Variants in SLC35F1 observed in about 807,000 individuals in gnomAD.
The protein encoded by SLC35F1 is solute carrier family 35 member F1, also known as chromosome 6 open reading frame 169.
In SLC35F1, 14 loss-of-function variants were observed where a neutral mutation model predicts 48.7. The ratio of observed to expected loss-of-function variants is 0.29; its 90% CI spans 0.19 to 0.45. The LOEUF (loss-of-function observed/expected upper bound fraction) is 0.45, where lower values mean the gene tolerates loss of function less well. Among genes scored for constraint, SLC35F1 ranks in the 20% least tolerant of loss-of-function variants. The probability of loss-of-function intolerance (pLI) is 1.00; values close to 1 mark genes in which losing one functional copy is unlikely to be tolerated. For missense variants in SLC35F1, 404 were observed against 500.0 expected, an observed-to-expected ratio of 0.81 and a Z score of 1.83; for synonymous variants, 190 against 202.2, an observed-to-expected ratio of 0.94 and a Z score of 0.51.
intron 5 of SLC35F1, among the ~76,000 whole-genome samples, chr6:118,276,040 A>G (rs1775914405): frequency 6.6e-6 from 1 of 152,178 alleles, no homozygotes; most frequent in East Asian, 1.9e-4. Context: ...TAAATGTGTG[A>G]TTTTACTGCC....
At position 117,907,725 on chromosome 6, in the gene SLC35F1, C is replaced by G. The variant is rs748804584; in HGVS notation, c.-2C>G. On this transcript the variant is annotated 5_prime_UTR_variant, in exon 1 of 8. Transcript: ENST00000360388. ...CGCCGCCGCGCCTCAGCCTCTGCCG[C>G]GATGATCCCCCCTGAGCAGCCGCAG... is the stretch of plus-strand genomic sequence containing the variant. The G allele has an allele frequency of 1.3e-5, 19 of 1,518,542 alleles. No homozygotes were observed. The highest frequency in any genetic ancestry group is 1.7e-5 in the Non-Finnish European group (19 of 1,133,616). The allele number at this position is 1,518,542 out of a possible 1,614,324, so 94.1% of individuals were successfully genotyped here.
intron 1 of SLC35F1, among the ~76,000 whole-genome samples, chr6:117,967,581 G>A (rs1466476931): frequency 2.0e-5 from 3 of 152,166 alleles, no homozygotes; most frequent in Non-Finnish European, 4.4e-5. Context: ...GACACATTGT[G>A]ACCCTGTTTA....
At chr6:118,117,250 T>C (rs2114394583) in intron 1 of SLC35F1, among the ~76,000 whole-genome samples, 1 of 152,330 alleles carries the variant, frequency 6.6e-6, no homozygotes, top group Middle Eastern at 3.4e-3. Flanking sequence ...TATCTGTACA[T>C]GTATTTTCTA....
chr6:118,111,932 A>G (rs1377428655), intron 1 of SLC35F1, among the ~76,000 whole-genome samples: 1 of 152,168 alleles, frequency 6.6e-6, no homozygotes, highest in African/African-American at 2.4e-5. Context: ...CTGCATTCCC[A>G]GAAAGTTAGG....
chr6:117,998,554 T>A (rs933021629), intron 1 of SLC35F1, among the ~76,000 whole-genome samples: 1 of 152,066 alleles, frequency 6.6e-6, no homozygotes, highest in South Asian at 2.1e-4. Context: ...ATGTAAAAGA[T>A]CAGAAATTAT....
chr6:117,962,722 G>A (rs1288606575), intron 1 of SLC35F1, among the ~76,000 whole-genome samples: 1 of 152,116 alleles, frequency 6.6e-6, no homozygotes, highest in Non-Finnish European at 1.5e-5. Flanking sequence ...GGTACTCCTG[G>A]GGGATCAAAG....
At chr6:118,102,456 T>C (rs1183353646) in intron 1 of SLC35F1, among the ~76,000 whole-genome samples, 1 of 152,220 alleles carries the variant, frequency 6.6e-6, no homozygotes, top group Non-Finnish European at 1.5e-5. Flanking sequence ...GCTGGGATTA[T>C]AGGCATAAGC....
chr6:118,256,205 G>GGTGTGTGTGTGT (rs71554895), intron 3 of SLC35F1, among the ~76,000 whole-genome samples: 19 of 143,126 alleles, frequency 1.3e-4, no homozygotes, highest in African/African-American at 4.8e-4. Context: ...GAAGACTTCT[G>GGTGTGTGTGTGT]GTGTGTGTGT....
intron 1 of SLC35F1, among the ~76,000 whole-genome samples, chr6:117,960,836 T>G (rs537227938): frequency 6.6e-6 from 1 of 152,264 alleles, no homozygotes; most frequent in African/African-American, 2.4e-5. Flanking sequence ...TAGGAAAGAT[T>G]GTACTGTTTG....
chr6:118,012,337 AAAAG>A lies in SLC35F1; in HGVS notation c.173+104442_173+104445del, dbSNP rs1173590752. Reference sequence around the variant, plus strand: ...GGACAATAAATGGGGAAAAAAAAAAAAAAGAAAAACTAAATGGAAGAAAAAGACC... The same window carrying A: ...GGACAATAAATGGGGAAAAAAAAAAAAAAAACTAAATGGAAGAAAAAGACC... On this transcript the variant is annotated intron_variant, in intron 1 of 7. Coordinates refer to ENST00000360388, the MANE Select transcript of SLC35F1 (RefSeq NM_001029858.4). 2.0e-5 allele frequency among the ~76,000 whole-genome samples: 3 copies of A among 151,774 alleles called. No individual in the cohort carries two copies. In the East Asian group the frequency reaches 5.8e-4, roughly 29 times the overall value.
At chr6:118,284,016 G>A (rs1776020027) in intron 6 of SLC35F1, among the ~76,000 whole-genome samples, 1 of 152,194 alleles carries the variant, frequency 6.6e-6, no homozygotes, top group Non-Finnish European at 1.5e-5. Context: ...ACTTACTTAT[G>A]TTCAGAATAA....
At chr6:117,998,880 G>A (rs1777041497) in intron 1 of SLC35F1, 1 of 661,268 alleles carries the variant, frequency 1.5e-6, no homozygotes, top group Non-Finnish European at 2.7e-6. Context: ...AAAAGCAAGA[G>A]CAAACACATT....
chr6:118,066,246 A>G (rs1772611919), intron 1 of SLC35F1, among the ~76,000 whole-genome samples: 1 of 152,222 alleles, frequency 6.6e-6, no homozygotes, highest in Admixed American at 6.5e-5. Flanking sequence ...TTGAAATATC[A>G]TCAGAGTTAC....
At chr6:117,917,298 C>G (rs980534972) in intron 1 of SLC35F1, among the ~76,000 whole-genome samples, 1 of 152,026 alleles carries the variant, frequency 6.6e-6, no homozygotes, top group African/African-American at 2.4e-5. Context: ...GGTCAGTTGT[C>G]AGTTCTAAGT....
intron 2 of SLC35F1, among the ~76,000 whole-genome samples, chr6:118,200,927 C>T (rs1463198199): frequency 2.0e-5 from 3 of 152,014 alleles, no homozygotes; most frequent in Non-Finnish European, 4.4e-5. Flanking sequence ...ACTCTGTCAT[C>T]CAAGCTGGAG....
chr6:118,165,650 C>A (rs1487455313), intron 2 of SLC35F1, among the ~76,000 whole-genome samples: 1 of 152,170 alleles, frequency 6.6e-6, no homozygotes, highest in African/African-American at 2.4e-5. Context: ...AGTGCAGCTC[C>A]AAAGCAGCTG....
intron 3 of SLC35F1, among the ~76,000 whole-genome samples, chr6:118,235,900 C>T (rs529776191): frequency 1.3e-5 from 2 of 151,948 alleles, no homozygotes; most frequent in Admixed American, 1.3e-4. Flanking sequence ...TATGTTTTCT[C>T]TTTGTTTTGA....
At chr6:118,173,407 A>G (rs1326881878) in intron 2 of SLC35F1, among the ~76,000 whole-genome samples, 4 of 151,892 alleles carry the variant, frequency 2.6e-5, no homozygotes, top group Non-Finnish European at 4.4e-5. Context: ...AAAAAACAAA[A>G]AAAAAACAGC....
chr6:118,183,676 A>G (rs557781929), intron 2 of SLC35F1, among the ~76,000 whole-genome samples: 28 of 152,122 alleles, frequency 1.8e-4, no homozygotes, highest in Non-Finnish European at 3.4e-4. Flanking sequence ...CTTGTTACCT[A>G]GGATCTCAAA....
Sources: gnomAD v4.1 joint callset for allele counts (sites outside exome capture counted in the v4.1 genomes callset) on GRCh38, gnomAD v4.1.1 for gene constraint, MANE v1.5 for transcripts, NCBI Gene and HGNC (gene_info 2026-07-23, HGNC 2026-07-21) for gene names.